Variants in ZNF521 observed in about 807,000 individuals in gnomAD.
ZNF521 encodes the protein LYST-interacting protein 3.
A neutral mutation model predicts 105.5 loss-of-function variants in ZNF521; 14 were observed. The ratio of observed to expected loss-of-function variants is 0.13; its 90% confidence interval spans 0.09 to 0.21. The LOEUF (loss-of-function observed/expected upper bound fraction) is 0.21. Ranked by LOEUF, ZNF521 falls within the 10% of genes least tolerant of loss-of-function variation. The probability of loss-of-function intolerance (pLI) is 1.00; values close to 1 mark genes in which losing one functional copy is unlikely to be tolerated. For missense variants in ZNF521, 1,233 were observed against 1,629.7 expected (o/e 0.76, Z 4.19); for synonymous variants, 635 against 606.0 (o/e 1.05, Z -0.70).
At position 25,152,928 on chromosome 18, in the gene ZNF521, T is replaced by C. The variant is rs931629053; in HGVS notation, c.3658+42232A>G. 1.5e-4 allele frequency among the ~76,000 whole-genome samples: 23 copies of C among 152,158 alleles called. 1 individual carries two copies. Among genetic ancestry groups the C allele is most frequent in the Admixed American group, 1.3e-3 (20 of 15,270 alleles). ...ACAAGAGTCTTGGGGATGGCCACGA[T>C]GGGATGGAAGTTACTCTTCCTGAAA... On this transcript the variant is annotated intron_variant, in intron 5 of 7. Transcript: ENST00000361524.
chr18:25,077,824 CGAA>C (rs1204036608), intron 7 of ZNF521, among the ~76,000 whole-genome samples: 3 of 151,724 alleles, frequency 2.0e-5, no homozygotes, highest in East Asian at 1.9e-4. Context: ...AGGAAGACAA[CGAA>C]GAAGAGGGAG....
intron 3 of ZNF521, among the ~76,000 whole-genome samples, chr18:25,230,856 T>C (rs768338282): frequency 1.3e-5 from 2 of 152,212 alleles, no homozygotes; most frequent in African/African-American, 2.4e-5. Flanking sequence ...AAAAAGTCTA[T>C]TTAAAGATGC....
At chr18:25,122,851 G>C (rs1218882925) in intron 5 of ZNF521, among the ~76,000 whole-genome samples, 2 of 151,942 alleles carry the variant, frequency 1.3e-5, no homozygotes, top group African/African-American at 2.4e-5. Context: ...AAAGGAAGGA[G>C]AGAAAAAAAC....
At chr18:25,347,128 T>C (rs1013990455) in intron 2 of ZNF521, among the ~76,000 whole-genome samples, 2 of 152,224 alleles carry the variant, frequency 1.3e-5, no homozygotes, top group African/African-American at 4.8e-5. Context: ...TTGATGCAAC[T>C]GATTTGCTGC....
In ZNF521 at chr18:25,225,109, G is replaced by C. The variant is rs114102095; in HGVS notation, c.2809C>G (p.Arg937Gly). The C allele has an allele frequency of 7.4e-4, 1,196 of 1,614,152 alleles. 1 individual carries two copies. The highest frequency in any genetic ancestry group is 8.9e-4 in the Non-Finnish European group (1,051 of 1,180,020). Residue 937 changes from arginine (R) to glycine (G), a missense_variant, in exon 4 of 8, where the codon CGA becomes GGA. Arg to Gly is a moderately radical substitution (Grantham distance 125). Around this residue, in one of 6 missense-constraint regions of ZNF521, gnomAD observed 614 missense variants for 751.5 expected, o/e 0.82. Coordinates refer to ENST00000361524, the MANE Select transcript of ZNF521 (RefSeq NM_015461.3). This position sits in a 1 kb window ranked among gnomAD's most constrained non-coding sequence, Gnocchi z 5.6. ...KGNYKCNVCS[R>G]TFFSENGLRE... ...AGGCCATTTTCGGAGAAGAAGGTTC[G>C]AGAGCACACGTTGCACTTGTAATTC...
chr18:25,269,272 C>T (rs1909481389), intron 3 of ZNF521, among the ~76,000 whole-genome samples: 1 of 152,174 alleles, frequency 6.6e-6, no homozygotes, highest in African/African-American at 2.4e-5. Flanking sequence ...AACACAGGAG[C>T]ACCCAGATTC....
intron 3 of ZNF521, among the ~76,000 whole-genome samples, chr18:25,294,330 T>C (rs1911201144): frequency 6.6e-6 from 1 of 152,186 alleles, no homozygotes; most frequent in African/African-American, 2.4e-5. Context: ...CATCAATCAA[T>C]AAATATGCAT....
intron 4 of ZNF521, among the ~76,000 whole-genome samples, chr18:25,206,909 A>T (rs1307717634): frequency 3.3e-5 from 5 of 152,124 alleles, no homozygotes; most frequent in African/African-American, 1.2e-4. Context: ...ATTTTTTAGG[A>T]CAGAGGTGTG....
At chr18:25,294,832 C>T (rs182218653) in intron 3 of ZNF521, among the ~76,000 whole-genome samples, 7 of 108,400 alleles carry the variant, frequency 6.5e-5, no homozygotes, top group Admixed American at 1.5e-4. Flanking sequence ...TCCAGCCTGG[C>T]GACAGAGCAA....
At position 25,189,219 on chromosome 18, in the gene ZNF521, A is replaced by G. The variant is rs527691478; in HGVS notation, c.3658+5941T>C. On this transcript the variant is annotated intron_variant, in intron 5 of 7. Coordinates refer to ENST00000361524, the MANE Select transcript of ZNF521 (RefSeq NM_015461.3). The stretch of plus-strand genomic sequence containing the variant: ...CTTTGTTTTTAGGAAGGCTGATCAT[A>G]TGGAGCCTTGGTACGTTCCTGTGGC... Among the ~76,000 whole-genome samples the G allele has an allele frequency of 1.3e-4, 20 of 152,322 alleles. No individual in the cohort carries two copies. In the South Asian group the frequency reaches 4.1e-3, roughly 32 times the overall value.
At chr18:25,250,172 A>G (rs112431063) in intron 3 of ZNF521, among the ~76,000 whole-genome samples, 2,645 of 152,228 alleles carry the variant, frequency 0.017, 48 homozygotes, top group East Asian at 0.077. Context: ...ATCTCCTGAC[A>G]TTGTGATCCA....
rs142321297 is a variant in ZNF521 at position 25,228,393 on chromosome 18, G to C, written c.221-696C>G. Among the ~76,000 whole-genome samples the C allele has an allele frequency of 3.7e-3, 571 of 152,302 alleles. 4 individuals are homozygous for C. Among genetic ancestry groups the C allele is most frequent in the South Asian group, 6.8e-3 (33 of 4,828 alleles). On this transcript the variant is annotated intron_variant, in intron 3 of 7. Transcript: ENST00000361524. ...TTCGAATTCCATAGGCCAGAAAATGGATTATTAAATGTTAGAAGGGTACTG... is the reference window on the plus strand; with the variant it reads ...TTCGAATTCCATAGGCCAGAAAATGCATTATTAAATGTTAGAAGGGTACTG...
chr18:25,242,955 C>A (rs1225575174), intron 3 of ZNF521, among the ~76,000 whole-genome samples: 1 of 152,118 alleles, frequency 6.6e-6, no homozygotes, highest in Non-Finnish European at 1.5e-5. Context: ...ACAAAAGAAC[C>A]CCAAATCAGC....
chr18:25,116,964 T>TATATATACGTATATATACAC (rs2034329575), intron 5 of ZNF521, among the ~76,000 whole-genome samples: 2 of 100,776 alleles, frequency 2.0e-5, no homozygotes, highest in South Asian at 4.3e-4. Context: ...TGTATATATG[T>TATATATACGTATATATACAC]ATATATATGT....
At chr18:25,223,048 T>A (rs925710408) in intron 4 of ZNF521, among the ~76,000 whole-genome samples, 1 of 152,200 alleles carries the variant, frequency 6.6e-6, no homozygotes, top group Admixed American at 6.5e-5. Flanking sequence ...AACTTTTCTA[T>A]AGGTTTAAAA....
intron 2 of ZNF521, among the ~76,000 whole-genome samples, chr18:25,330,087 T>C (rs1257444889): frequency 1.3e-5 from 2 of 152,158 alleles, no homozygotes; most frequent in Non-Finnish European, 2.9e-5. Flanking sequence ...ACCCATATTC[T>C]CACTTACCTA....
At position 25,226,379 on chromosome 18, in the gene ZNF521, G is replaced by C. The variant is rs758175472; in HGVS notation, c.1539C>G (p.Phe513Leu). 1 of 1,614,156 alleles carries C rather than the reference G, an allele frequency of 6.2e-7. No homozygotes were observed. The change falls in exon 4 of 8, where the codon TTC (phenylalanine) becomes TTG (leucine). Residue 513 changes from phenylalanine (F) to leucine (L), a missense_variant. By Grantham distance (22) the Phe-to-Leu change is conservative. This residue lies in a region of ZNF521 where 380 missense variants were observed against 478.0 expected (regional missense o/e 0.80). Transcript: ENST00000361524. This position sits in a 1 kb window ranked among gnomAD's most constrained non-coding sequence, Gnocchi z 4.1. Reference sequence around the variant, plus strand: ...ACCCCATATAGCAATGGGGACAAAAGAATGCATTACTATCTTTAGCTGCAG... The same window carrying C: ...ACCCCATATAGCAATGGGGACAAAACAATGCATTACTATCTTTAGCTGCAG... Reference protein sequence around the residue: ...ANPAAKDSNAFFCPHCYMGFL... With the variant: ...ANPAAKDSNALFCPHCYMGFL...
chr18:25,131,924 T>C (rs1482702177), intron 5 of ZNF521, among the ~76,000 whole-genome samples: 1 of 152,172 alleles, frequency 6.6e-6, no homozygotes, highest in Non-Finnish European at 1.5e-5. Context: ...TGTCCTTCAT[T>C]GACATTGTCG....
intron 5 of ZNF521, among the ~76,000 whole-genome samples, chr18:25,144,285 C>T (rs567062727): frequency 5.1e-4 from 77 of 152,210 alleles, no homozygotes; most frequent in African/African-American, 1.9e-3. Context: ...CTTCTGTGAG[C>T]GCACTCTCTC....
Sources: allele counts gnomAD v4.1 joint callset (sites outside exome capture counted in the v4.1 genomes callset), GRCh38; gene constraint gnomAD v4.1.1; regional missense constraint gnomAD v4.1.1; non-coding constraint Gnocchi (gnomAD v3.1); transcripts MANE v1.5; gene names NCBI Gene and HGNC (gene_info 2026-07-23, HGNC 2026-07-21).